The following VCL variants were observed in gnomAD, a reference collection of about 807,000 sequenced individuals.
The protein encoded by VCL is vinculin, also known as epididymis luminal protein 114.
In VCL, 47 loss-of-function variants were observed where a neutral mutation model predicts 125.7. The observed-to-expected ratio is 0.37, with a 90% CI of 0.30 to 0.48. The LOEUF is 0.48. Ranked by LOEUF, VCL falls within the 20% of genes least tolerant of loss-of-function variation. VCL has a pLI of 0.99. For synonymous variants in VCL, 458 were observed against 514.6 expected, an observed-to-expected ratio of 0.89 and a Z score of 1.49; for missense variants, 1,069 against 1,455.5, an observed-to-expected ratio of 0.73 and a Z score of 4.32.
At chr10:74,020,956 C>T (rs890252511) in intron 1 of VCL, among the ~76,000 whole-genome samples, 1 of 150,988 alleles carries the variant, frequency 6.6e-6, no homozygotes, top group Non-Finnish European at 1.5e-5. Context: ...GGTAGGATTT[C>T]AGGTTAAATA....
At chr10:74,113,682 T>A (rs1840265911) in intron 19 of VCL, among the ~76,000 whole-genome samples, 1 of 151,954 alleles carries the variant, frequency 6.6e-6, no homozygotes, top group Non-Finnish European at 1.5e-5. Flanking sequence ...AGGGTAAGCA[T>A]GAAGAGGGTG....
chr10:73,998,304 G>T lies in VCL; in HGVS notation c.97G>T (p.Asp33Tyr). 6.3e-7 allele frequency: 1 copy of T among 1,595,336 alleles called. No individual in the cohort carries two copies. The highest frequency in any genetic ancestry group is 8.5e-7 in the Non-Finnish European group (1 of 1,170,558). ...LVIMHEEGEV[D>Y]GKAIPDLTAP... ...GATAATGCACGAGGAGGGCGAGGTGGACGGCAAAGCCATTCCTGACCTCAC... is the reference window on the plus strand; with the variant it reads ...GATAATGCACGAGGAGGGCGAGGTGTACGGCAAAGCCATTCCTGACCTCAC... Residue 33 changes from aspartate (D) to tyrosine (Y), a missense_variant, in exon 1 of 22, where the codon GAC (aspartate) becomes TAC (tyrosine). Asp to Tyr is a radical substitution (Grantham distance 160). Around this residue, in one of 6 missense-constraint regions of VCL, gnomAD observed 96 missense variants for 137.6 expected, o/e 0.70. Coordinates refer to ENST00000211998, the MANE Select transcript of VCL (RefSeq NM_014000.3).
intron 2 of VCL, among the ~76,000 whole-genome samples, chr10:74,064,411 C>CTT (rs368440267): frequency 6.8e-6 from 1 of 146,736 alleles, no homozygotes; most frequent in Admixed American, 6.9e-5. Context: ...ACAAAAGACA[C>CTT]TTTTTTTTTT....
At chr10:74,082,717 A>G (rs1027787530) in intron 7 of VCL, among the ~76,000 whole-genome samples, 173 bp downstream of exon 7, 1 of 152,240 alleles carries the variant, frequency 6.6e-6, no homozygotes, top group Non-Finnish European at 1.5e-5. Flanking sequence ...TAGGCCTTAC[A>G]AGGATGAAGG....
chr10:74,046,874 T>C (rs1447920602), intron 2 of VCL, among the ~76,000 whole-genome samples: 2 of 152,206 alleles, frequency 1.3e-5, no homozygotes, highest in East Asian at 3.8e-4. Context: ...ACAGACTTCT[T>C]TGGGGACTTA....
intron 11 of VCL, among the ~76,000 whole-genome samples, chr10:74,095,299 A>C (rs1839949582): frequency 6.6e-6 from 1 of 152,088 alleles, no homozygotes; most frequent in African/African-American, 2.4e-5. Context: ...AGTGTTAAAT[A>C]AAAAGAACTG....
chr10:74,101,255 G>A (rs1236347967), intron 14 of VCL, among the ~76,000 whole-genome samples, 158 bp downstream of exon 14: 1 of 151,804 alleles, frequency 6.6e-6, no homozygotes, highest in Non-Finnish European at 1.5e-5. Flanking sequence ...GGAGGGTGAG[G>A]CGGGAGGACT....
At chr10:74,061,397 T>C (rs1841476442) in intron 2 of VCL, among the ~76,000 whole-genome samples, 1 of 152,234 alleles carries the variant, frequency 6.6e-6, no homozygotes, top group South Asian at 2.1e-4. Flanking sequence ...TGATAATCAA[T>C]TTTATTCCTG....
At chr10:74,026,524 C>A (rs920677941) in intron 1 of VCL, among the ~76,000 whole-genome samples, 1 of 152,118 alleles carries the variant, frequency 6.6e-6, no homozygotes. Context: ...TGACTTACAG[C>A]ATGTGCTAAA....
At chr10:74,038,737 T>C (rs1396749699) in intron 1 of VCL, among the ~76,000 whole-genome samples, 3 of 152,222 alleles carry the variant, frequency 2.0e-5, no homozygotes, top group African/African-American at 7.2e-5. Flanking sequence ...TTTTTAGTAA[T>C]TACCTCTACT....
At chr10:74,018,605 G>A (rs774534136) in intron 1 of VCL, among the ~76,000 whole-genome samples, 17 of 152,216 alleles carry the variant, frequency 1.1e-4, no homozygotes, top group East Asian at 1.9e-4. Context: ...GTGCAGTTAG[G>A]GAATGGGGAA....
At chr10:74,010,747 C>G (rs1474066271) in intron 1 of VCL, among the ~76,000 whole-genome samples, 1 of 152,144 alleles carries the variant, frequency 6.6e-6, no homozygotes, top group Non-Finnish European at 1.5e-5. Context: ...TTAAAATACC[C>G]CAAGACTTTC....
Position 74,094,350 on chromosome 10 carries a change from A to G in VCL, c.1432A>G (p.Asn478Asp). Residue 478 changes from asparagine (N) to aspartate (D), a missense_variant, in exon 11 of 22, where the codon AAC (asparagine) becomes GAC (aspartate). Coordinates refer to ENST00000211998, the MANE Select transcript of VCL (RefSeq NM_014000.3). ...TALQNLQTKT[N>D]RAVANSRPAK... ...CCTGCAGAACCTGCAGACCAAAACC[A>G]ACCGGGCTGTGGCCAACAGCAGACC... 6.2e-7 allele frequency: 1 copy of G among 1,614,152 alleles called. No homozygotes were observed. The highest frequency in any genetic ancestry group is 8.5e-7 in the Non-Finnish European group (1 of 1,180,034).
At chr10:74,102,026 C>T (rs556689863) in intron 14 of VCL, among the ~76,000 whole-genome samples, 55 of 80,724 alleles carry the variant, frequency 6.8e-4, no homozygotes, top group Middle Eastern at 8.6e-3. Context: ...CCACCATGCC[C>T]GGCTAATTTT....
chr10:74,068,147 A>G (rs1841603484), intron 2 of VCL, among the ~76,000 whole-genome samples: 1 of 152,242 alleles, frequency 6.6e-6, no homozygotes, highest in Non-Finnish European at 1.5e-5. Flanking sequence ...ATACATATGC[A>G]TACCTTTGAC....
chr10:74,104,032 C>T (rs1036519345), intron 15 of VCL, 104 bp downstream of exon 15: 9 of 1,162,214 alleles, frequency 7.7e-6, no homozygotes, highest in East Asian at 7.7e-5. Context: ...GGATAAAGGG[C>T]CGGTCACGTG....
intron 1 of VCL, among the ~76,000 whole-genome samples, chr10:74,031,000 A>G (rs1840863907): frequency 6.6e-6 from 1 of 152,218 alleles, no homozygotes; most frequent in Non-Finnish European, 1.5e-5. Context: ...CTTGGCCTAG[A>G]TCACTGTTTC....
Position 74,089,108 on chromosome 10 carries a change from T to C in VCL, c.1023-88T>C. 3.8e-6 allele frequency: 6 copies of C among 1,580,388 alleles called. No individual in the cohort carries two copies. The South Asian group carries it at 6.9e-5, about 18-fold the overall frequency. ...AAAAGGAAAAAGCCAAGCATGTTCA[T>C]GAAAACCACATGTACTGTGCTATTG... On this transcript the variant is annotated intron_variant, in intron 8 of 21. Coordinates refer to ENST00000211998, the MANE Select transcript of VCL (RefSeq NM_014000.3).
At chr10:74,115,387 GATAA>G (rs142695515) in intron 21 of VCL, among the ~76,000 whole-genome samples, 4,728 of 150,364 alleles carry the variant, frequency 0.031, 132 homozygotes, top group African/African-American at 0.064. Context: ...AAAATAAATA[GATAA>G]ATAAATAAAT....
Sources: allele counts gnomAD v4.1 joint callset (sites outside exome capture counted in the v4.1 genomes callset), GRCh38; gene constraint gnomAD v4.1.1; regional missense constraint gnomAD v4.1.1; transcripts MANE v1.5; gene names NCBI Gene and HGNC (gene_info 2026-07-23, HGNC 2026-07-21).